The following TAF1 variants were observed in gnomAD, a reference collection of about 807,000 sequenced individuals.
TAF1 encodes transcription initiation factor TFIID subunit 1.
TAF1 carries 2 observed loss-of-function variants against 138.5 expected under a neutral mutation model. The observed-to-expected ratio is 0.01, with a 90% confidence interval of 0.01 to 0.05. The LOEUF is 0.05. Ranked by LOEUF, TAF1 falls within the 10% of genes least tolerant of loss-of-function variation. TAF1 has a pLI of 1.00. For synonymous variants in TAF1, 437 were observed against 503.2 expected (o/e 0.87, Z 1.76); for missense variants, 709 against 1,478.0 (o/e 0.48, Z 8.53).
At chrX:71,405,684 A>G (rs779192357) in intron 25 of TAF1, among the ~76,000 whole-genome samples, 4 of 112,096 alleles carry the variant, frequency 3.6e-5, no homozygotes, top group African/African-American at 9.7e-5. Flanking sequence ...TAATATCCGT[A>G]ATAGTCATTG....
downstream of TAF1, among the ~76,000 whole-genome samples, chrX:71,468,616 C>T (rs1200333219): frequency 9.7e-6 from 1 of 102,814 alleles, no homozygotes; most frequent in Non-Finnish European, 2.0e-5. Context: ...AACCGGGAGG[C>T]GAAGGTTGCA....
chrX:71,452,926 T>C (rs759341760), intron 32 of TAF1, among the ~76,000 whole-genome samples: 42 of 111,889 alleles, frequency 3.8e-4, no homozygotes, highest in South Asian at 1.9e-3. Flanking sequence ...TCAGGCGTGG[T>C]GGCGCGCGCC....
chrX:71,410,399 T>TA (rs1362941177), intron 28 of TAF1, among the ~76,000 whole-genome samples: 82 of 95,693 alleles, frequency 8.6e-4, no homozygotes, highest in Non-Finnish European at 1.2e-3. Flanking sequence ...GCACATGTAC[T>TA]AAAAAAAAAA....
intron 13 of TAF1, among the ~76,000 whole-genome samples, chrX:71,477,715 C>T (rs2039003117): frequency 8.9e-6 from 1 of 112,079 alleles, no homozygotes; most frequent in Non-Finnish European, 1.9e-5. Context: ...CTTTTGAAGC[C>T]GGGCACGGTG....
chrX:71,424,486 A>G (rs1341874352), intron 32 of TAF1, among the ~76,000 whole-genome samples: 3 of 97,269 alleles, frequency 3.1e-5, no homozygotes, highest in Admixed American at 1.2e-4. Context: ...AGCTCAAGCA[A>G]TCCTCCCACC....
chrX:71,367,370 G>T, intron 1 of TAF1, 129 bp from the exon 2 acceptor site: 4 of 770,630 alleles, frequency 5.2e-6, no homozygotes, highest in Non-Finnish European at 7.7e-6. Context: ...CGTGTTGCTT[G>T]TTTTGGCACA....
chrX:71,438,799 C>G (rs2037272935), intron 32 of TAF1, among the ~76,000 whole-genome samples: 1 of 111,411 alleles, frequency 9.0e-6, no homozygotes. Context: ...CCCGTCTTCA[C>G]TAAAAATACA....
rs983964637 is a variant in TAF1 at position 71,422,481 on chromosome X, A to C, written c.4453-636A>C. On this transcript the variant is annotated intron_variant, in intron 29 of 37. Coordinates refer to ENST00000423759, the MANE Select transcript of TAF1 (RefSeq NM_004606.5). ...CAGGCGTGTGCCACCACGCCCAGCT[A>C]ATTTTTTTTTTTTTTTGTATTCTTA... 6.7e-5 allele frequency among the ~76,000 whole-genome samples: 7 copies of C among 105,166 alleles called. 1 individual carries two copies. In the Admixed American group the frequency reaches 7.2e-4, roughly 11 times the overall value. The allele number at this position is 105,166 out of a possible 115,157, so 91.3% of individuals were successfully genotyped here. A position where few individuals can be genotyped will look rare whatever the true frequency, so the allele number is the denominator to read the frequency against.
At chrX:71,449,794 A>T (rs1218422603) in intron 32 of TAF1, among the ~76,000 whole-genome samples, 2 of 111,345 alleles carry the variant, frequency 1.8e-5, no homozygotes, top group Non-Finnish European at 1.9e-5. Context: ...TTTTTTTGAG[A>T]TGAAGTCTTG....
chrX:71,392,834 T>G lies in TAF1; in HGVS notation c.2932-41T>G, dbSNP rs369891112. On this transcript the variant is annotated intron_variant, in intron 19 of 37. Transcript: ENST00000423759. ...GACTTAGATGCCTACTTAAAAGGAA[T>G]TCAGGTTTTTAGGAGTCTCACTTTT... 7.5e-6 allele frequency: 9 copies of G among 1,204,607 alleles called. No individual in the cohort carries two copies. The African/African-American group carries it at 1.4e-4, about 19-fold the overall frequency.
chrX:71,382,440 A>T, intron 9 of TAF1, 96 bp from the exon 10 acceptor site: 1 of 1,115,249 alleles, frequency 9.0e-7, no homozygotes, highest in Non-Finnish European at 1.2e-6. Context: ...CTTCACTGGA[A>T]CATCCGTCAC....
intron 32 of TAF1, among the ~76,000 whole-genome samples, chrX:71,441,091 G>A (rs1288877883): frequency 9.0e-6 from 1 of 110,604 alleles, no homozygotes. Context: ...AATAGAGACA[G>A]GGTTTCATGA....
intron 9 of TAF1, among the ~76,000 whole-genome samples, chrX:71,382,191 C>T (rs992186638): frequency 3.6e-5 from 4 of 111,946 alleles, no homozygotes; most frequent in African/African-American, 1.3e-4. Flanking sequence ...TTCTAGGTAG[C>T]AGTTTGAGAG....
intron 36 of TAF1, 139 bp downstream of exon 36, chrX:71,459,847 G>A: frequency 9.5e-7 from 1 of 1,055,808 alleles, no homozygotes; most frequent in East Asian, 3.2e-5. Flanking sequence ...AGACCTGAGA[G>A]TACTGAGCAC....
chrX:71,424,300 C>A, intron 32 of TAF1, 62 bp downstream of exon 32: 1 of 1,029,526 alleles, frequency 9.7e-7, no homozygotes, highest in Non-Finnish European at 1.3e-6. Context: ...TCTAACATTA[C>A]TTAGCATTAT....
chrX:71,380,590 A>T (rs770327406), intron 8 of TAF1, among the ~76,000 whole-genome samples: 1 of 111,287 alleles, frequency 9.0e-6, no homozygotes, highest in East Asian at 2.8e-4. Context: ...ATGGAAATAA[A>T]GAAGATATGA....
At chrX:71,524,835 G>A (rs1482699913) in intron 13 of TAF1, among the ~76,000 whole-genome samples, 4 of 106,385 alleles carry the variant, frequency 3.8e-5, no homozygotes, top group East Asian at 3.1e-4. Flanking sequence ...CAACTACTCC[G>A]GAGGCTGAGG....
chrX:71,485,098 C>T (rs186456982), intron 13 of TAF1: 3 of 112,190 alleles, frequency 2.7e-5, no homozygotes, highest in Non-Finnish European at 3.8e-5. Context: ...TGACTGCAAC[C>T]TTGTGAGAAA....
In TAF1 at chrX:71,464,107, T is replaced by G. The variant is rs2038665123; in HGVS notation, c.*61T>G. The G allele has an allele frequency of 9.6e-7, 1 of 1,036,745 alleles. No individual in the cohort carries two copies. Among genetic ancestry groups the G allele is most frequent in the Admixed American group, 2.7e-5 (1 of 37,031 alleles). The allele number at this position is 1,036,745 out of a possible 1,213,427, so 85.4% of individuals were successfully genotyped here. ...TTCTCCAGCCTAGGTGGTTCACCTT[T>G]CCCCAATTTGTTCATATTTGTACAG... On this transcript the variant is annotated 3_prime_UTR_variant, in exon 38 of 38. Coordinates refer to ENST00000423759, the MANE Select transcript of TAF1 (RefSeq NM_004606.5).
Sources: gnomAD v4.1 joint callset for allele counts (sites outside exome capture counted in the v4.1 genomes callset) on GRCh38, gnomAD v4.1.1 for gene constraint, MANE v1.5 for transcripts, NCBI Gene and HGNC (gene_info 2026-07-23, HGNC 2026-07-21) for gene names.